The following GPM6A variants were observed in gnomAD, a reference collection of about 807,000 sequenced individuals.
The protein encoded by GPM6A is neuronal membrane glycoprotein M6-a.
Under a neutral mutation model 32.1 loss-of-function variants are expected in GPM6A, and 7 were observed. That is an observed-to-expected ratio of 0.22 (90% CI 0.12 to 0.41). GPM6A has a LOEUF of 0.41. Among genes scored for constraint, GPM6A ranks in the 10% least tolerant of loss-of-function variants. The pLI, the probability that GPM6A is intolerant of heterozygous loss-of-function variation, is 1.00. For missense variants in GPM6A, 235 were observed against 347.2 expected (o/e 0.68, Z 2.57); for synonymous variants, 130 against 123.4 (o/e 1.05, Z -0.35).
intron 1 of GPM6A, among the ~76,000 whole-genome samples, chr4:175,945,657 A>G (rs1264973629): frequency 6.8e-6 from 1 of 146,912 alleles, no homozygotes; most frequent in East Asian, 1.9e-4. Context: ...TATAAGTAAT[A>G]TAAGTTATAA....
At chr4:175,992,060 GCACACACACACA>G (rs1554007513) in intron 1 of GPM6A, among the ~76,000 whole-genome samples, 2 of 137,142 alleles carry the variant, frequency 1.5e-5, no homozygotes, top group Admixed American at 1.4e-4. Context: ...AAACACACAT[GCACACACACACA>G]CACACACACA....
chr4:175,838,603 A>C (rs569272137), intron 1 of GPM6A, among the ~76,000 whole-genome samples: 2 of 150,944 alleles, frequency 1.3e-5, no homozygotes, highest in Non-Finnish European at 3.0e-5. Flanking sequence ...CCATTAGGAA[A>C]ACTTTATGTG....
chr4:175,926,050 C>T (rs1738829958), intron 1 of GPM6A, among the ~76,000 whole-genome samples: 1 of 152,016 alleles, frequency 6.6e-6, no homozygotes, highest in Non-Finnish European at 1.5e-5. Flanking sequence ...TGGAGTTTTG[C>T]CTTATTGGCC....
chr4:175,644,124 T>G (rs991635956), intron 4 of GPM6A, among the ~76,000 whole-genome samples: 4 of 147,130 alleles, frequency 2.7e-5, no homozygotes, highest in African/African-American at 1.0e-4. Flanking sequence ...TCCGTTTGTT[T>G]TTTTTTTTTT....
chr4:175,859,946 C>CA (rs1405055572), intron 1 of GPM6A, among the ~76,000 whole-genome samples: 1 of 151,928 alleles, frequency 6.6e-6, no homozygotes, highest in Non-Finnish European at 1.5e-5. Context: ...TTCTAAAGGA[C>CA]ACATGGGTCA....
intron 1 of GPM6A, 181 bp downstream of exon 1, chr4:175,812,010 C>A: frequency 1.9e-6 from 1 of 536,996 alleles, no homozygotes. Flanking sequence ...GAAAGATTTG[C>A]AAATAATGAC....
intron 1 of GPM6A, among the ~76,000 whole-genome samples, chr4:175,949,333 A>G (rs1739725292): frequency 6.6e-6 from 1 of 152,050 alleles, no homozygotes; most frequent in South Asian, 2.1e-4. Flanking sequence ...GTGGTGGTAG[A>G]GACAGGGTCT....
rs200187665 is a variant in GPM6A at position 175,776,255 on chromosome 4, CT to C, written c.37+35935del. ...CTAAATGTCTCCCATTTTTAACTGA[CT>C]TACCCCCTGTGTTAAGTCAATTTAT... On this transcript the variant is annotated intron_variant, in intron 1 of 6. Coordinates refer to ENST00000393658, the MANE Select transcript of GPM6A (RefSeq NM_201591.3). Among the ~76,000 whole-genome samples the C allele has an allele frequency of 4.7e-3, 722 of 152,262 alleles. 5 individuals carry two copies. Among genetic ancestry groups the C allele is most frequent in the Middle Eastern group, 0.017 (5 of 294 alleles).
At chr4:175,857,036 T>A (rs1195137466) in intron 1 of GPM6A, among the ~76,000 whole-genome samples, 1 of 152,206 alleles carries the variant, frequency 6.6e-6, no homozygotes, top group Non-Finnish European at 1.5e-5. Context: ...AGTATTTCCC[T>A]GCTTCCTGTC....
At chr4:175,883,518 T>C (rs1485744187) in intron 1 of GPM6A, among the ~76,000 whole-genome samples, 1 of 152,132 alleles carries the variant, frequency 6.6e-6, no homozygotes, top group Non-Finnish European at 1.5e-5. Context: ...ATGCTAAATT[T>C]TCATCAGAAG....
At chr4:175,843,306 T>C (rs1202887688) in intron 1 of GPM6A, among the ~76,000 whole-genome samples, 1 of 152,198 alleles carries the variant, frequency 6.6e-6, no homozygotes, top group East Asian at 1.9e-4. Flanking sequence ...CCAATATAAA[T>C]GTCTTTCCTT....
chr4:175,644,795 T>A (rs1259849378), intron 4 of GPM6A, among the ~76,000 whole-genome samples: 1 of 152,142 alleles, frequency 6.6e-6, no homozygotes, highest in Non-Finnish European at 1.5e-5. Context: ...TCAAAGCAAT[T>A]AGGAGAAAAG....
chr4:175,942,109 T>C (rs1355488246), intron 1 of GPM6A, among the ~76,000 whole-genome samples: 1 of 152,242 alleles, frequency 6.6e-6, no homozygotes, highest in Non-Finnish European at 1.5e-5. Context: ...GTGGTTTTGA[T>C]TTGCATTTCT....
At chr4:175,887,070 C>G (rs1196497800) in intron 1 of GPM6A, among the ~76,000 whole-genome samples, 1 of 151,588 alleles carries the variant, frequency 6.6e-6, no homozygotes, top group Admixed American at 6.6e-5. Context: ...AAAAACAAGA[C>G]AAAAAGTTTA....
chr4:175,772,293 C>T (rs748494861), intron 1 of GPM6A, among the ~76,000 whole-genome samples: 2 of 152,198 alleles, frequency 1.3e-5, no homozygotes, highest in East Asian at 3.9e-4. Context: ...GAATGAATCC[C>T]GAGAACATGC....
intron 3 of GPM6A, among the ~76,000 whole-genome samples, chr4:175,658,420 G>GC (rs1020392334): frequency 1.3e-5 from 2 of 152,114 alleles, no homozygotes; most frequent in Non-Finnish European, 2.9e-5. Flanking sequence ...AGTGTAGGGG[G>GC]GGTGAGAGGG....
intron 1 of GPM6A, among the ~76,000 whole-genome samples, chr4:175,842,615 T>C (rs1156420269): frequency 1.3e-5 from 2 of 152,176 alleles, no homozygotes; most frequent in Admixed American, 1.3e-4. Context: ...CCCTGAAGGC[T>C]GAGCCTAGGA....
intron 1 of GPM6A, among the ~76,000 whole-genome samples, chr4:175,730,116 C>T (rs567961707): frequency 1.3e-5 from 2 of 152,074 alleles, no homozygotes; most frequent in African/African-American, 2.4e-5. Flanking sequence ...TAAAACTCTC[C>T]TTTACTCTGC....
At chr4:175,636,141 T>G (rs773537460) in intron 6 of GPM6A, among the ~76,000 whole-genome samples, 16 of 151,374 alleles carry the variant, frequency 1.1e-4, no homozygotes, top group Non-Finnish European at 1.5e-4. Flanking sequence ...TTTTAGAATT[T>G]TCTGTTTCCT....
Sources: gnomAD v4.1 joint callset for allele counts (sites outside exome capture counted in the v4.1 genomes callset) on GRCh38, gnomAD v4.1.1 for gene constraint, MANE v1.5 for transcripts, NCBI Gene and HGNC (gene_info 2026-07-23, HGNC 2026-07-21) for gene names.